The following ENOX1 variants were observed in gnomAD, a reference collection of about 807,000 sequenced individuals.
ENOX1 encodes the protein ecto-NOX disulfide-thiol exchanger 1.
ENOX1 carries 42 observed loss-of-function variants against 82.5 expected under a neutral mutation model. The observed-to-expected ratio is 0.51, with a 90% confidence interval of 0.40 to 0.66. ENOX1 has a LOEUF of 0.66. Among genes scored for constraint, ENOX1 ranks in the 30% least tolerant of loss-of-function variants. The pLI, the probability that ENOX1 is intolerant of heterozygous loss-of-function variation, is 0.00. For synonymous variants in ENOX1, 271 were observed against 282.2 expected, an observed-to-expected ratio of 0.96 and a Z score of 0.40; for missense variants, 608 against 811.6, an observed-to-expected ratio of 0.75 and a Z score of 3.05.
intron 5 of ENOX1, among the ~76,000 whole-genome samples, chr13:43,390,688 C>T (rs2052720763): frequency 6.6e-6 from 1 of 152,158 alleles, no homozygotes; most frequent in Non-Finnish European, 1.5e-5. Flanking sequence ...ACTGTCATAT[C>T]CTAATTGTCT....
chr13:43,334,507 C>T (rs1008867034), intron 9 of ENOX1, among the ~76,000 whole-genome samples: 14 of 152,078 alleles, frequency 9.2e-5, no homozygotes, highest in African/African-American at 2.2e-4. Context: ...ATGATTGAAT[C>T]GCAAGATGAG....
At chr13:43,360,106 T>C (rs751096212) in intron 6 of ENOX1, 49 bp from the exon 7 acceptor site, 5 of 1,557,948 alleles carry the variant, frequency 3.2e-6, no homozygotes, top group Non-Finnish European at 4.4e-6. Flanking sequence ...TTATTTGCTT[T>C]CTCTGGTTCT....
intron 12 of ENOX1, among the ~76,000 whole-genome samples, chr13:43,278,084 C>T (rs1017736945): frequency 6.6e-6 from 1 of 152,204 alleles, no homozygotes; most frequent in Non-Finnish European, 1.5e-5. Flanking sequence ...ACCAGCAATT[C>T]TAAGCAAAAT....
At chr13:43,702,427 T>C (rs2086958093) in intron 1 of ENOX1, among the ~76,000 whole-genome samples, 1 of 152,218 alleles carries the variant, frequency 6.6e-6, no homozygotes, top group Admixed American at 6.5e-5. Context: ...AATACTCTAC[T>C]GCAGGATTAA....
At chr13:43,633,688 ATGTGTGTGTGTGTG>A (rs59390732) in intron 2 of ENOX1, among the ~76,000 whole-genome samples, 1 of 150,102 alleles carries the variant, frequency 6.7e-6, no homozygotes, top group African/African-American at 2.5e-5. Flanking sequence ...AAATGTGTGT[ATGTGTGTGTGTGTG>A]TGTGTGTGTG....
rs529950902 is a variant in ENOX1, at chr13:43,437,394, G to A, written c.-74-24406C>T. ...CTGCAACCAACATAATATGACACTA[G>A]GTTAAATGCTTCCACTTTCCTTTCC... On this transcript the variant is annotated intron_variant, in intron 3 of 16. Transcript: ENST00000690772. Among the ~76,000 whole-genome samples the A allele has an allele frequency of 3.9e-5, 6 of 152,224 alleles. No individual in the cohort carries two copies. The East Asian group carries it at 1.2e-3, about 29-fold the overall frequency.
chr13:43,366,582 C>T (rs1697527425), intron 5 of ENOX1, among the ~76,000 whole-genome samples: 1 of 152,078 alleles, frequency 6.6e-6, no homozygotes, highest in African/African-American at 2.4e-5. Flanking sequence ...GGCCAGCTGA[C>T]TGGCTTTTTA....
chr13:43,271,005 C>G (rs1434458964), intron 12 of ENOX1, among the ~76,000 whole-genome samples: 2 of 152,206 alleles, frequency 1.3e-5, no homozygotes, highest in African/African-American at 2.4e-5. Flanking sequence ...GGCTCTGTTC[C>G]TTCATTCACA....
At chr13:43,361,881 T>C (rs2050533801) in intron 5 of ENOX1, among the ~76,000 whole-genome samples, 1 of 152,008 alleles carries the variant, frequency 6.6e-6, no homozygotes, top group African/African-American at 2.4e-5. Flanking sequence ...AAAAGAGCCT[T>C]CTTACCCAAG....
intron 2 of ENOX1, among the ~76,000 whole-genome samples, chr13:43,519,816 T>C (rs1325089804): frequency 6.6e-6 from 1 of 152,168 alleles, no homozygotes; most frequent in South Asian, 2.1e-4. Flanking sequence ...AGCAACCTTC[T>C]TGGCAGTCCC....
chr13:43,406,092 C>T (rs901258499), intron 5 of ENOX1, among the ~76,000 whole-genome samples: 14 of 152,056 alleles, frequency 9.2e-5, no homozygotes, highest in African/African-American at 3.4e-4. Flanking sequence ...TTAACAAATC[C>T]CTCTTCATAT....
chr13:43,349,247 A>T (rs1194974005), intron 8 of ENOX1, among the ~76,000 whole-genome samples: 1 of 152,234 alleles, frequency 6.6e-6, no homozygotes, highest in Admixed American at 6.5e-5. Flanking sequence ...TTCAGAAGTC[A>T]TTATCACTGG....
intron 4 of ENOX1, 65 bp from the exon 5 acceptor site, chr13:43,412,118 A>C: frequency 6.4e-7 from 1 of 1,569,378 alleles, no homozygotes; most frequent in South Asian, 1.1e-5. Flanking sequence ...AAAGAAAATC[A>C]CATTTCTAGA....
chr13:43,690,601 T>C (rs2086303420), intron 1 of ENOX1, among the ~76,000 whole-genome samples: 1 of 152,142 alleles, frequency 6.6e-6, no homozygotes, highest in Non-Finnish European at 1.5e-5. Flanking sequence ...AAAATTAATT[T>C]TTCGTTTGAT....
intron 1 of ENOX1, among the ~76,000 whole-genome samples, chr13:43,706,139 G>A (rs898522652): frequency 1.3e-5 from 2 of 151,740 alleles, no homozygotes; most frequent in Non-Finnish European, 2.9e-5. Context: ...GATTTACTAA[G>A]GCAATGCTTA....
intron 1 of ENOX1, among the ~76,000 whole-genome samples, chr13:43,784,700 G>A (rs1952468704): frequency 1.3e-5 from 2 of 152,172 alleles, no homozygotes; most frequent in South Asian, 4.1e-4. Context: ...GTCATGCTAT[G>A]TTACTCTTGC....
At chr13:43,453,625 A>G (rs2057078919) in intron 3 of ENOX1, among the ~76,000 whole-genome samples, 1 of 152,184 alleles carries the variant, frequency 6.6e-6, no homozygotes, top group Non-Finnish European at 1.5e-5. Context: ...GCAGGAATGA[A>G]AAGAAAGGGG....
chr13:43,580,515 T>C (rs912381850), intron 2 of ENOX1, among the ~76,000 whole-genome samples: 1 of 152,218 alleles, frequency 6.6e-6, no homozygotes, highest in African/African-American at 2.4e-5. Context: ...AAATACACAC[T>C]TATTCTTCTT....
At chr13:43,374,855 C>G (rs1206531231) in intron 5 of ENOX1, among the ~76,000 whole-genome samples, 1 of 152,158 alleles carries the variant, frequency 6.6e-6, no homozygotes, top group Non-Finnish European at 1.5e-5. Context: ...TTTACACTAT[C>G]CTGCTGGGGA....
Sources: gnomAD v4.1 joint callset for allele counts (sites outside exome capture counted in the v4.1 genomes callset) on GRCh38, gnomAD v4.1.1 for gene constraint, MANE v1.5 for transcripts, NCBI Gene and HGNC (gene_info 2026-07-23, HGNC 2026-07-21) for gene names.